GTF2E2: variants seen among roughly 807,000 people sequenced by gnomAD.
GTF2E2 encodes general transcription factor IIE subunit 2.
In GTF2E2, 21 loss-of-function variants were observed where a neutral mutation model predicts 40.5. That is an observed-to-expected ratio of 0.52 (90% CI 0.37 to 0.75). The LOEUF (loss-of-function observed/expected upper bound fraction) is 0.75. Among genes scored for constraint, GTF2E2 ranks in the 30% least tolerant of loss-of-function variants. GTF2E2 has a pLI of 0.00. For synonymous variants in GTF2E2, 117 were observed against 121.6 expected, an observed-to-expected ratio of 0.96 and a Z score of 0.25; for missense variants, 298 against 338.4, an observed-to-expected ratio of 0.88 and a Z score of 0.94.
At chr8:30,600,528 T>C (rs1014711460) in intron 6 of GTF2E2, among the ~76,000 whole-genome samples, 8 of 152,184 alleles carry the variant, frequency 5.3e-5, no homozygotes, top group African/African-American at 1.9e-4. Context: ...GTTAAGTGTC[T>C]TGCCTAGGCT....
chr8:30,646,841 A>G (rs1329197871), intron 2 of GTF2E2, among the ~76,000 whole-genome samples: 2 of 151,902 alleles, frequency 1.3e-5, no homozygotes, highest in Non-Finnish European at 2.9e-5. Flanking sequence ...TTAGCCGGGC[A>G]TGGTGGTGGG....
At chr8:30,611,565 G>A (rs190102650) in intron 5 of GTF2E2, among the ~76,000 whole-genome samples, 38 of 152,186 alleles carry the variant, frequency 2.5e-4, no homozygotes, top group African/African-American at 2.2e-4. Context: ...CACCAACTGG[G>A]CTTAACAAGT....
chr8:30,633,656 A>G (rs1397308314), intron 3 of GTF2E2, among the ~76,000 whole-genome samples: 2 of 152,224 alleles, frequency 1.3e-5, no homozygotes, highest in Admixed American at 1.3e-4. Flanking sequence ...TTAACAGAGT[A>G]GCAAAAACAT....
chr8:30,622,322 G>T (rs1485923974), intron 3 of GTF2E2, among the ~76,000 whole-genome samples: 1 of 151,894 alleles, frequency 6.6e-6, no homozygotes, highest in Non-Finnish European at 1.5e-5. Context: ...ATGTCAGTAG[G>T]TTCCGTGATG....
At chr8:30,588,091 T>C (rs925722815) in intron 6 of GTF2E2, among the ~76,000 whole-genome samples, 15 of 152,160 alleles carry the variant, frequency 9.9e-5, no homozygotes, top group Non-Finnish European at 1.9e-4. Context: ...GATGAGGATG[T>C]AGCAGAGGGA....
chr8:30,646,922 G>A (rs1440655622), intron 2 of GTF2E2, among the ~76,000 whole-genome samples: 2 of 136,302 alleles, frequency 1.5e-5, no homozygotes, highest in Non-Finnish European at 3.1e-5. Flanking sequence ...AGAGGTTGCA[G>A]TGAGCCGAGA....
At chr8:30,624,086 C>T (rs189707854) in intron 3 of GTF2E2, among the ~76,000 whole-genome samples, 11 of 152,208 alleles carry the variant, frequency 7.2e-5, no homozygotes, top group Admixed American at 6.5e-4. Flanking sequence ...AGTCCTTGCC[C>T]ATGCCTATGT....
intron 4 of GTF2E2, among the ~76,000 whole-genome samples, 190 bp downstream of exon 4, chr8:30,614,417 TA>T (rs930343216): frequency 6.6e-6 from 1 of 152,054 alleles, no homozygotes; most frequent in African/African-American, 2.4e-5. Context: ...CCGTCTCTAC[TA>T]AAAACACAAA....
intron 6 of GTF2E2, 44 bp downstream of exon 6, chr8:30,607,013 T>C (rs541761677): frequency 5.7e-6 from 4 of 705,192 alleles, no homozygotes; most frequent in South Asian, 3.9e-5. Flanking sequence ...CACCCTAAAA[T>C]TGTAATATAC....
At chr8:30,617,637 A>C (rs1800959587) in intron 3 of GTF2E2, among the ~76,000 whole-genome samples, 1 of 151,996 alleles carries the variant, frequency 6.6e-6, no homozygotes, top group South Asian at 2.1e-4. Context: ...CTATAGTCCC[A>C]GTTCCTTGGC....
chr8:30,657,102 T>C (rs892972767), intron 1 of GTF2E2: 2 of 152,208 alleles, frequency 1.3e-5, no homozygotes, highest in Non-Finnish European at 2.9e-5. Flanking sequence ...CAAAGGCATC[T>C]AGAGCAGAAA....
rs150972868 is a variant in GTF2E2 at position 30,611,894 on chromosome 8, G to A, written c.549+405C>T. 9.2e-3 allele frequency among the ~76,000 whole-genome samples: 1,399 copies of A among 152,262 alleles called. 12 individuals carry two copies. Among genetic ancestry groups the A allele is most frequent in the South Asian group, 0.015 (71 of 4,828 alleles). On this transcript the variant is annotated intron_variant, in intron 5 of 7. Coordinates refer to ENST00000355904, the MANE Select transcript of GTF2E2 (RefSeq NM_002095.6). ...AGGACTTTCATAGATAGCCCCTTTA[G>A]GACTTCAAAACAGCCAGGTTATTAA...
intron 6 of GTF2E2, among the ~76,000 whole-genome samples, chr8:30,583,893 C>T (rs1828593511): frequency 6.6e-6 from 1 of 152,038 alleles, no homozygotes; most frequent in Admixed American, 6.6e-5. Flanking sequence ...GCAAGCTCCA[C>T]CTCCCGGGTT....
intron 5 of GTF2E2, 122 bp downstream of exon 5, chr8:30,612,177 T>A: frequency 6.4e-6 from 4 of 620,704 alleles, no homozygotes; most frequent in Non-Finnish European, 2.7e-6. Context: ...AGTGGCTCAC[T>A]GTAACCCATG....
chr8:30,637,478 C>A (rs893923560), intron 2 of GTF2E2, among the ~76,000 whole-genome samples: 1 of 152,192 alleles, frequency 6.6e-6, no homozygotes, highest in Admixed American at 6.5e-5. Flanking sequence ...TCCTTTATGG[C>A]CCCAGAAACT....
intron 3 of GTF2E2, among the ~76,000 whole-genome samples, chr8:30,620,947 G>A (rs186371536): frequency 1.2e-4 from 18 of 151,502 alleles, no homozygotes; most frequent in Non-Finnish European, 2.9e-5. Context: ...AAAAAAATGA[G>A]GTAGCTAAGA....
intron 6 of GTF2E2, among the ~76,000 whole-genome samples, chr8:30,583,747 A>G (rs768421102): frequency 2.6e-4 from 40 of 152,186 alleles, no homozygotes; most frequent in Admixed American, 2.6e-4. Flanking sequence ...TTATATCTAC[A>G]TATTTATTAC....
intron 2 of GTF2E2, among the ~76,000 whole-genome samples, chr8:30,647,010 C>CCGAAAAG (rs1170322372): frequency 1.9e-5 from 2 of 105,590 alleles, no homozygotes; most frequent in African/African-American, 3.5e-5. Flanking sequence ...AAAAAAGCAA[C>CCGAAAAG]CGAAAAGTCT....
chr8:30,608,437 G>A (rs1829384021), intron 5 of GTF2E2, among the ~76,000 whole-genome samples: 1 of 152,118 alleles, frequency 6.6e-6, no homozygotes, highest in Admixed American at 6.6e-5. Context: ...AAAATTACTT[G>A]ATACAGAAGT....
Sources: allele counts gnomAD v4.1 joint callset (sites outside exome capture counted in the v4.1 genomes callset), GRCh38; gene constraint gnomAD v4.1.1; transcripts MANE v1.5; gene names NCBI Gene and HGNC (gene_info 2026-07-23, HGNC 2026-07-21).